Variants in KLHL32 observed in about 807,000 individuals in gnomAD.
KLHL32 encodes kelch like family member 32.
In KLHL32, 35 loss-of-function variants were observed where a neutral mutation model predicts 64.8. The ratio of observed to expected loss-of-function variants is 0.54; its 90% CI spans 0.41 to 0.72. The LOEUF is 0.72. Ranked by LOEUF, KLHL32 falls within the 30% of genes least tolerant of loss-of-function variation. KLHL32 has a pLI of 0.00. For missense variants in KLHL32, 589 were observed against 768.5 expected, an observed-to-expected ratio of 0.77 and a Z score of 2.76; for synonymous variants, 259 against 281.0, an observed-to-expected ratio of 0.92 and a Z score of 0.78.
At chr6:97,088,295 A>C (rs765565412) in intron 6 of KLHL32, among the ~76,000 whole-genome samples, 2 of 152,228 alleles carry the variant, frequency 1.3e-5, no homozygotes, top group Non-Finnish European at 2.9e-5. Context: ...AAAGACACCA[A>C]ATTGACTATT....
intron 8 of KLHL32, among the ~76,000 whole-genome samples, chr6:97,128,060 G>C (rs1799059114): frequency 6.6e-6 from 1 of 152,078 alleles, no homozygotes; most frequent in Non-Finnish European, 1.5e-5. Flanking sequence ...GCAATTGCCT[G>C]CTGAATTTTG....
intron 2 of KLHL32, among the ~76,000 whole-genome samples, chr6:96,969,311 C>T (rs368382352): frequency 4.1e-4 from 63 of 152,288 alleles, no homozygotes; most frequent in South Asian, 3.9e-3. Flanking sequence ...AGCCTCCTCT[C>T]CTTTTTCAAA....
intron 3 of KLHL32, among the ~76,000 whole-genome samples, chr6:96,982,735 C>G (rs185569441): frequency 6.6e-6 from 1 of 152,284 alleles, no homozygotes; most frequent in African/African-American, 2.4e-5. Context: ...GATTTTGTAT[C>G]CTGAGATGCT....
intron 6 of KLHL32, among the ~76,000 whole-genome samples, chr6:97,087,926 C>T (rs1035296964): frequency 2.0e-5 from 3 of 152,146 alleles, no homozygotes; most frequent in Non-Finnish European, 4.4e-5. Context: ...GTATGCAGGC[C>T]ACGGTAATCA....
the KLHL32 span, among the ~76,000 whole-genome samples, chr6:96,902,727 C>T: frequency 6.6e-6 from 1 of 152,138 alleles, no homozygotes; most frequent in Non-Finnish European, 1.5e-5. Flanking sequence ...TTGGGTTTTA[C>T]ATTTCAGTCT....
At chr6:97,132,590 G>A (rs1799551604) in intron 9 of KLHL32, 63 bp from the exon 10 acceptor site, 2 of 1,275,308 alleles carry the variant, frequency 1.6e-6, no homozygotes, top group East Asian at 4.7e-5. Context: ...AGTGGCAAAA[G>A]GGTTAATTAA....
intron 1 of KLHL32, among the ~76,000 whole-genome samples, chr6:96,936,069 T>G (rs1770560633): frequency 6.6e-6 from 1 of 152,198 alleles, no homozygotes; most frequent in South Asian, 2.1e-4. Context: ...TGACTGCCTT[T>G]GGTGTCACTG....
intron 4 of KLHL32, among the ~76,000 whole-genome samples, chr6:97,046,616 T>C (rs1785967889): frequency 6.6e-6 from 1 of 152,216 alleles, no homozygotes; most frequent in Admixed American, 6.5e-5. Context: ...CAAGAAAGTT[T>C]GGTTCTGAAA....
At chr6:97,002,164 A>G (rs1042173873) in intron 3 of KLHL32, among the ~76,000 whole-genome samples, 4 of 152,150 alleles carry the variant, frequency 2.6e-5, no homozygotes, top group Non-Finnish European at 5.9e-5. Flanking sequence ...ATAAGTCCAA[A>G]GGTAGGATAA....
chr6:96,993,779 C>A (rs988531187), intron 3 of KLHL32, among the ~76,000 whole-genome samples: 1 of 152,140 alleles, frequency 6.6e-6, no homozygotes, highest in African/African-American at 2.4e-5. Flanking sequence ...CAAGTCTCAG[C>A]ATTTTTGCAC....
chr6:97,093,932 A>G (rs554069732), intron 6 of KLHL32, among the ~76,000 whole-genome samples: 1 of 152,286 alleles, frequency 6.6e-6, no homozygotes, highest in East Asian at 1.9e-4. Context: ...TGTGTGGGAA[A>G]AAGTCTGTAG....
At chr6:96,971,705 G>T (rs1775126744) in intron 2 of KLHL32, among the ~76,000 whole-genome samples, 1 of 152,078 alleles carries the variant, frequency 6.6e-6, no homozygotes, top group African/African-American at 2.4e-5. Context: ...CCTGACGGGG[G>T]TTGCCTAAAG....
chr6:97,032,971 AAAC>A (rs1222544309), intron 3 of KLHL32, among the ~76,000 whole-genome samples: 3 of 152,182 alleles, frequency 2.0e-5, no homozygotes, highest in East Asian at 1.9e-4. Flanking sequence ...TGATTTAAAA[AAAC>A]AACAACAGAA....
Position 97,113,831 on chromosome 6 carries a change from G to A in KLHL32, c.676G>A (p.Glu226Lys), listed in dbSNP as rs1797503119. 1.9e-6 allele frequency: 3 copies of A among 1,613,992 alleles called. No homozygotes were observed. Among genetic ancestry groups the A allele is most frequent in the South Asian group, 2.2e-5 (2 of 91,084 alleles). The part of the protein sequence containing the change: ...EHNCHYQYMD[E>K]LLQYIRFGLM... ...CAACTGCCACTACCAGTACATGGAC[G>A]AGCTCCTGCAATACATCCGCTTTGG... Residue 226 changes from glutamate (E) to lysine (K), a missense_variant, in exon 7 of 11, where the codon GAG becomes AAG. Around this residue, in one of 3 missense-constraint regions of KLHL32, gnomAD observed 226 missense variants for 353.2 expected, o/e 0.64. Transcript: ENST00000369261.
At chr6:97,030,597 G>A (rs1783401649) in intron 3 of KLHL32, among the ~76,000 whole-genome samples, 1 of 152,200 alleles carries the variant, frequency 6.6e-6, no homozygotes, top group Non-Finnish European at 1.5e-5. Flanking sequence ...AACCAAGCAT[G>A]AGTCTGTGCA....
At chr6:97,119,213 C>A (rs891916844) in intron 7 of KLHL32, among the ~76,000 whole-genome samples, 3 of 152,176 alleles carry the variant, frequency 2.0e-5, no homozygotes, top group African/African-American at 7.2e-5. Context: ...ATATTCTCAG[C>A]ACATCACGCA....
chr6:96,977,649 G>T (rs1400473011), intron 3 of KLHL32, among the ~76,000 whole-genome samples: 1 of 152,132 alleles, frequency 6.6e-6, no homozygotes, highest in East Asian at 1.9e-4. Flanking sequence ...TTGTTGATTG[G>T]TTTGAATATT....
intron 1 of KLHL32, among the ~76,000 whole-genome samples, chr6:96,965,158 G>A (rs1227565089): frequency 6.6e-6 from 1 of 152,160 alleles, no homozygotes; most frequent in Non-Finnish European, 1.5e-5. Flanking sequence ...CATCCATATT[G>A]CTGCAAAGGA....
chr6:97,100,941 A>G (rs1795631644), intron 6 of KLHL32, among the ~76,000 whole-genome samples: 2 of 136,222 alleles, frequency 1.5e-5, no homozygotes, highest in South Asian at 4.9e-4. Context: ...TAGCTGGACC[A>G]CAGGCATGTG....
Sources: gnomAD v4.1 joint callset for allele counts (sites outside exome capture counted in the v4.1 genomes callset) on GRCh38, gnomAD v4.1.1 for gene constraint, gnomAD v4.1.1 regional missense constraint, MANE v1.5 for transcripts, NCBI Gene and HGNC (gene_info 2026-07-23, HGNC 2026-07-21) for gene names.